The following TBK1 variants were observed in gnomAD, a reference collection of about 807,000 sequenced individuals.
TBK1 encodes the protein serine/threonine-protein kinase TBK1.
TBK1 carries 37 observed loss-of-function variants against 99.9 expected under a neutral mutation model. That is an observed-to-expected ratio of 0.37 (90% CI 0.28 to 0.49). TBK1 has a LOEUF of 0.49. TBK1 is among the 20% of genes least tolerant of loss of function. TBK1 has a pLI of 0.98. For missense variants in TBK1, 644 were observed against 872.5 expected (o/e 0.74, Z 3.30); for synonymous variants, 258 against 279.8 (o/e 0.92, Z 0.78).
At chr12:64,474,139 T>C (rs960751470) in intron 5 of TBK1, 91 bp from the exon 6 acceptor site, 3 of 1,225,834 alleles carry the variant, frequency 2.4e-6, no homozygotes, top group Non-Finnish European at 3.3e-6. Flanking sequence ...GAAAACAAAA[T>C]AGAATTTCTA....
chr12:64,469,140 A>G (rs1565815283), intron 5 of TBK1, among the ~76,000 whole-genome samples: 2 of 152,050 alleles, frequency 1.3e-5, no homozygotes, highest in African/African-American at 4.8e-5. Flanking sequence ...GATCTGGAGA[A>G]TGTGTCATAG....
Position 64,497,256 on chromosome 12 carries a change from T to G in TBK1, c.1956T>G (p.Asn652Lys). ...TATCAAAATATCAAGAATATACTAA[T>G]GAGGTAGGTACAGCTGTCAAGGAAA... ...EEVSKYQEYT[N>K]ELQETLPQKM... is the part of the protein sequence containing the mutation. The change falls in exon 18 of 21, where the codon AAT (asparagine) becomes AAG (lysine). Residue 652 changes from asparagine to lysine, a missense_variant. Asn to Lys is a moderately conservative substitution (Grantham distance 94, BLOSUM62 0). Transcript: ENST00000331710. 1 of 1,572,702 alleles carries G rather than the reference T, an allele frequency of 6.4e-7. No individual in the cohort carries two copies. The highest frequency in any genetic ancestry group is 1.2e-5 in the South Asian group (1 of 85,954).
At chr12:64,453,735 A>G (rs374008166) in intron 1 of TBK1, among the ~76,000 whole-genome samples, 21 of 152,206 alleles carry the variant, frequency 1.4e-4, no homozygotes, top group African/African-American at 5.1e-4. Context: ...TTAAGGGGGC[A>G]TGGTGGGACT....
chr12:64,498,086 T>G (rs754370163), intron 20 of TBK1, 47 bp downstream of exon 20: 1 of 1,462,838 alleles, frequency 6.8e-7, no homozygotes, highest in Non-Finnish European at 9.5e-7. Context: ...GCAATTGAGT[T>G]CATTCACATC....
chr12:64,470,853 A>C (rs1299194691), intron 5 of TBK1, among the ~76,000 whole-genome samples: 1 of 152,210 alleles, frequency 6.6e-6, no homozygotes, highest in Non-Finnish European at 1.5e-5. Flanking sequence ...TCCTGGGAAC[A>C]CAGTTTAGCT....
chr12:64,452,733 A>G (rs1183193484), intron 1 of TBK1: 1 of 152,256 alleles, frequency 6.6e-6, no homozygotes, highest in African/African-American at 2.4e-5. Context: ...AATTAGAAGC[A>G]TAAGATGTTT....
intron 8 of TBK1, among the ~76,000 whole-genome samples, chr12:64,483,321 G>C (rs1437763614): frequency 1.3e-5 from 2 of 152,070 alleles, no homozygotes; most frequent in Non-Finnish European, 2.9e-5. Flanking sequence ...TTTTCAAAAG[G>C]TGACACAGTG....
At chr12:64,470,165 G>C (rs1457198121) in intron 5 of TBK1, among the ~76,000 whole-genome samples, 1 of 152,112 alleles carries the variant, frequency 6.6e-6, no homozygotes, top group Non-Finnish European at 1.5e-5. Context: ...AGATCAGACA[G>C]GCTAGTAGTT....
chr12:64,453,644 C>A (rs927491812), intron 1 of TBK1, among the ~76,000 whole-genome samples: 7 of 152,174 alleles, frequency 4.6e-5, no homozygotes, highest in African/African-American at 1.7e-4. Flanking sequence ...TCACAGAATA[C>A]CTAGTCTAGC....
At chr12:64,481,770 ATAC>A in intron 7 of TBK1, 69 bp from the exon 8 acceptor site, 1 of 1,119,596 alleles carries the variant, frequency 8.9e-7, no homozygotes. Flanking sequence ...TTGCTGGTAA[ATAC>A]TATGATTTTT....
intron 5 of TBK1, among the ~76,000 whole-genome samples, chr12:64,470,880 T>C (rs78948244): frequency 0.024 from 3,645 of 152,310 alleles, 61 homozygotes; most frequent in Non-Finnish European, 0.037. Context: ...TCTAAGACTT[T>C]TAACAGGAAG....
At chr12:64,493,883 T>C (rs1455404211) in intron 13 of TBK1, among the ~76,000 whole-genome samples, 2 of 152,218 alleles carry the variant, frequency 1.3e-5, no homozygotes, top group African/African-American at 2.4e-5. Context: ...ATGGTTGTTA[T>C]TTTTACTTTT....
chr12:64,501,479 A>G lies in TBK1; in HGVS notation c.*98A>G, dbSNP rs2040989341. The G allele has an allele frequency of 8.2e-6, 10 of 1,217,270 alleles. No homozygotes were observed. Among genetic ancestry groups the G allele is most frequent in the South Asian group, 7.8e-5 (6 of 76,856 alleles). The allele number at this position is 1,217,270 out of a possible 1,614,324, so 75.4% of individuals were successfully genotyped here. A position where few individuals can be genotyped will look rare whatever the true frequency, so the allele number is the denominator to read the frequency against. ...TTATAGATAGTCACTTGTTTCTACAATTCAGTATTTGATGTGGTCGTGTAA... is the reference window on the plus strand; with the variant it reads ...TTATAGATAGTCACTTGTTTCTACAGTTCAGTATTTGATGTGGTCGTGTAA... On this transcript the variant is annotated 3_prime_UTR_variant, in exon 21 of 21. Transcript: ENST00000331710.
chr12:64,467,776 A>C (rs2040621782), intron 5 of TBK1, among the ~76,000 whole-genome samples: 1 of 152,192 alleles, frequency 6.6e-6, no homozygotes, highest in East Asian at 1.9e-4. Context: ...GATATCTACC[A>C]CACCCTGTAG....
intron 6 of TBK1, among the ~76,000 whole-genome samples, chr12:64,476,724 T>G (rs2040717872): frequency 6.6e-6 from 1 of 152,188 alleles, no homozygotes; most frequent in African/African-American, 2.4e-5. Flanking sequence ...TTTTGGGGTA[T>G]TCATCCTGAA....
chr12:64,473,862 G>A (rs542454002), intron 5 of TBK1, among the ~76,000 whole-genome samples: 2 of 152,022 alleles, frequency 1.3e-5, no homozygotes, highest in Non-Finnish European at 2.9e-5. Context: ...ACTCGAACCC[G>A]GGAAGCAGAG....
chr12:64,481,137 T>C (rs1251031583), intron 7 of TBK1, among the ~76,000 whole-genome samples: 1 of 152,176 alleles, frequency 6.6e-6, no homozygotes, highest in African/African-American at 2.4e-5. Context: ...ATATTATAAC[T>C]GTGATTTGTG....
Position 64,474,328 on chromosome 12 carries a change from T to C in TBK1, c.639T>C (p.His213=), listed in dbSNP as rs968597987. 1.1e-5 allele frequency: 18 copies of C among 1,614,102 alleles called. No homozygotes were observed. The highest frequency in any genetic ancestry group is 1.5e-5 in the Non-Finnish European group (18 of 1,180,002). The part of the protein sequence containing the change: ...DLWSIGVTFY[H]AATGSLPFRP... ...GGAGCATTGGGGTAACATTTTACCA[T>C]GCAGCTACTGGATCACTGCCATTTA... is the stretch of plus-strand genomic sequence containing the variant. The change falls in exon 6 of 21, where the codon CAT becomes CAC. Residue 213 remains histidine, a synonymous_variant. Transcript: ENST00000331710.
chr12:64,472,147 A>G (rs1034728045), intron 5 of TBK1, among the ~76,000 whole-genome samples: 1 of 151,590 alleles, frequency 6.6e-6, no homozygotes, highest in Non-Finnish European at 1.5e-5. Context: ...TAGTAGGCAT[A>G]TGTTTGGACA....
Sources: gnomAD v4.1 joint callset for allele counts (sites outside exome capture counted in the v4.1 genomes callset) on GRCh38, gnomAD v4.1.1 for gene constraint, MANE v1.5 for transcripts, NCBI Gene and HGNC (gene_info 2026-07-23, HGNC 2026-07-21) for gene names.